Variants in PPP1CB observed in about 807,000 individuals in gnomAD.
PPP1CB encodes protein phosphatase 1 catalytic subunit beta.
A neutral mutation model predicts 43.7 loss-of-function variants in PPP1CB; 2 were observed. That is an observed-to-expected ratio of 0.05 (90% CI 0.02 to 0.14). The LOEUF is 0.14. Among genes scored for constraint, PPP1CB ranks in the 10% least tolerant of loss-of-function variants. The pLI, the probability that PPP1CB is intolerant of heterozygous loss-of-function variation, is 1.00. For synonymous variants in PPP1CB, 136 were observed against 135.6 expected, an observed-to-expected ratio of 1.00 and a Z score of -0.02; for missense variants, 84 against 398.0, an observed-to-expected ratio of 0.21 and a Z score of 6.71.
chr2:28,793,198 T>G lies in PPP1CB; in HGVS notation c.745-665T>G, dbSNP rs1430294451. The stretch of plus-strand genomic sequence containing the variant: ...CCAGCCTGGGTTGACAGAGCAATAT[T>G]CCATCTCAAAAAATAAAAAATAAAA... On this transcript the variant is annotated intron_variant, in intron 6 of 7. Transcript: ENST00000395366. Among the ~76,000 whole-genome samples, 3 of 152,036 alleles carry G rather than the reference T, an allele frequency of 2.0e-5. No individual in the cohort carries two copies. The East Asian group carries it at 5.8e-4, about 29-fold the overall frequency.
chr2:28,766,917 T>C (rs568198978), intron 1 of PPP1CB, among the ~76,000 whole-genome samples: 1 of 152,104 alleles, frequency 6.6e-6, no homozygotes, highest in African/African-American at 2.4e-5. Context: ...CCGTCTCTAC[T>C]AAAAATACAA....
chr2:28,774,739 C>G (rs1666996113), intron 1 of PPP1CB, among the ~76,000 whole-genome samples: 1 of 151,500 alleles, frequency 6.6e-6, no homozygotes, highest in Non-Finnish European at 1.5e-5. Context: ...TTTTTTTTTT[C>G]TTAAACTAAA....
intron 5 of PPP1CB, among the ~76,000 whole-genome samples, chr2:28,784,202 T>C (rs1048155548): frequency 5.3e-5 from 8 of 152,208 alleles, no homozygotes; most frequent in African/African-American, 1.4e-4. Flanking sequence ...AATGTAGTTA[T>C]TTGATCACAA....
At chr2:28,752,934 C>T (rs1666363145) in intron 1 of PPP1CB, among the ~76,000 whole-genome samples, 1 of 152,180 alleles carries the variant, frequency 6.6e-6, no homozygotes, top group Non-Finnish European at 1.5e-5. Context: ...TTTTTAAAGC[C>T]TGTCTTGTAT....
chr2:28,764,918 CAAA>C (rs34681782), intron 1 of PPP1CB, among the ~76,000 whole-genome samples: 1 of 147,610 alleles, frequency 6.8e-6, no homozygotes, highest in African/African-American at 2.5e-5. Flanking sequence ...GACCCTGTCT[CAAA>C]AAAAAAAAAT....
intron 1 of PPP1CB, among the ~76,000 whole-genome samples, chr2:28,762,702 A>G (rs967170493): frequency 6.6e-6 from 1 of 152,208 alleles, no homozygotes; most frequent in African/African-American, 2.4e-5. Flanking sequence ...TCTTTCTTGT[A>G]CTTTAAATGG....
chr2:28,777,944 G>A (rs546967351), intron 2 of PPP1CB, among the ~76,000 whole-genome samples: 3 of 152,260 alleles, frequency 2.0e-5, no homozygotes, highest in East Asian at 1.9e-4. Flanking sequence ...ATGAGCCACC[G>A]CAGCTGGCCA....
intron 5 of PPP1CB, among the ~76,000 whole-genome samples, chr2:28,786,959 G>A (rs1019647441): frequency 2.0e-5 from 3 of 151,976 alleles, no homozygotes; most frequent in Non-Finnish European, 4.4e-5. Flanking sequence ...GTGTGCTAGT[G>A]AATTTCTTAA....
At chr2:28,785,656 A>T (rs1667251155) in intron 5 of PPP1CB, among the ~76,000 whole-genome samples, 1 of 150,938 alleles carries the variant, frequency 6.6e-6, no homozygotes, top group Non-Finnish European at 1.5e-5. Context: ...AGAAAAAAAA[A>T]ATTTTTTTTT....
At chr2:28,752,723 C>T (rs1666351212) in intron 1 of PPP1CB, among the ~76,000 whole-genome samples, 1 of 152,178 alleles carries the variant, frequency 6.6e-6, no homozygotes, top group African/African-American at 2.4e-5. Flanking sequence ...AGAATGGATT[C>T]TTCTTAAAGA....
At chr2:28,766,383 T>G (rs1438794843) in intron 1 of PPP1CB, among the ~76,000 whole-genome samples, 1 of 152,202 alleles carries the variant, frequency 6.6e-6, no homozygotes, top group South Asian at 2.1e-4. Context: ...AATACCTGAT[T>G]AAGATATTTT....
At chr2:28,788,938 A>G in intron 6 of PPP1CB, 129 bp downstream of exon 6, 1 of 923,902 alleles carries the variant, frequency 1.1e-6, no homozygotes, top group Admixed American at 3.2e-5. Flanking sequence ...GCTCACTGCA[A>G]CCTGTGCCTC....
At chr2:28,791,114 C>T (rs1174695905) in intron 6 of PPP1CB, among the ~76,000 whole-genome samples, 2 of 152,138 alleles carry the variant, frequency 1.3e-5, no homozygotes, top group African/African-American at 4.8e-5. Context: ...TATGCTGTCC[C>T]ACAGTACTTC....
chr2:28,767,918 A>G (rs997461117), intron 1 of PPP1CB, among the ~76,000 whole-genome samples: 8 of 152,166 alleles, frequency 5.3e-5, no homozygotes, highest in Non-Finnish European at 1.0e-4. Flanking sequence ...TGTAAACATG[A>G]TTGTAGAAAG....
In PPP1CB at chr2:28,776,830, GT is replaced by G. The variant is rs1667054943; in HGVS notation, c.53-17del. ...ATGAGTAAATTTTAGAAAACTGACTGTTTTATTTATCGTTTGTCAGTACGAG... is the reference window on the plus strand; with the variant it reads ...ATGAGTAAATTTTAGAAAACTGACTGTTTATTTATCGTTTGTCAGTACGAG... On this transcript the variant is annotated intron_variant, in intron 1 of 7. Coordinates refer to ENST00000395366, the MANE Select transcript of PPP1CB (RefSeq NM_002709.3). 1 of 1,580,608 alleles carries G rather than the reference GT, an allele frequency of 6.3e-7. No homozygotes were observed. The highest frequency in any genetic ancestry group is 1.4e-5 in the African/African-American group (1 of 72,872).
intron 1 of PPP1CB, among the ~76,000 whole-genome samples, chr2:28,754,472 A>G (rs757133256): frequency 6.6e-6 from 1 of 152,154 alleles, no homozygotes; most frequent in Non-Finnish European, 1.5e-5. Flanking sequence ...TCTTCACTCA[A>G]GGAGCTCCCA....
chr2:28,764,062 T>A (rs1244271375), intron 1 of PPP1CB, among the ~76,000 whole-genome samples: 1 of 151,906 alleles, frequency 6.6e-6, no homozygotes, highest in Non-Finnish European at 1.5e-5. Flanking sequence ...GCTGCCTAAT[T>A]TTTTTTCACT....
intron 6 of PPP1CB, among the ~76,000 whole-genome samples, chr2:28,789,815 C>T (rs1667349394): frequency 1.3e-5 from 2 of 151,668 alleles, no homozygotes; most frequent in Non-Finnish European, 2.9e-5. Context: ...GCCAGGCTGC[C>T]CTTGAACTCC....
chr2:28,769,482 A>G (rs953852423), intron 1 of PPP1CB, among the ~76,000 whole-genome samples: 7 of 152,208 alleles, frequency 4.6e-5, no homozygotes, highest in African/African-American at 1.4e-4. Context: ...ATATCCTTCA[A>G]TAGTAAAGTA....
Sources: allele counts gnomAD v4.1 joint callset (sites outside exome capture counted in the v4.1 genomes callset), GRCh38; gene constraint gnomAD v4.1.1; transcripts MANE v1.5; gene names NCBI Gene and HGNC (gene_info 2026-07-23, HGNC 2026-07-21).